The following TENM3 variants were observed in gnomAD, a reference collection of about 807,000 sequenced individuals.
The protein encoded by TENM3 is teneurin transmembrane protein 3.
In TENM3, 63 loss-of-function variants were observed where a neutral mutation model predicts 255.1. That is an observed-to-expected ratio of 0.25 (90% CI 0.20 to 0.30). The LOEUF is 0.30. Ranked by LOEUF, TENM3 falls within the 10% of genes least tolerant of loss-of-function variation. The pLI, the probability that TENM3 is intolerant of heterozygous loss-of-function variation, is 1.00. For synonymous variants in TENM3, 1,306 were observed against 1,322.3 expected, an observed-to-expected ratio of 0.99 and a Z score of 0.27; for missense variants, 2,929 against 3,461.1, an observed-to-expected ratio of 0.85 and a Z score of 3.86.
At chr4:181,657,964 A>G in the TENM3 span, among the ~76,000 whole-genome samples, 1 of 152,126 alleles carries the variant, frequency 6.6e-6, no homozygotes, top group Non-Finnish European at 1.5e-5. Flanking sequence ...AAGATGGGAG[A>G]AACAGACACT....
chr4:182,701,644 CTA>C (rs1206892646), intron 12 of TENM3, among the ~76,000 whole-genome samples: 3 of 152,160 alleles, frequency 2.0e-5, no homozygotes, highest in Non-Finnish European at 4.4e-5. Flanking sequence ...AAAGAGGAAA[CTA>C]TGTGGTTATT....
intron 6 of TENM3, among the ~76,000 whole-genome samples, chr4:182,669,822 A>T (rs573553391): frequency 6.6e-6 from 1 of 152,290 alleles, no homozygotes; most frequent in South Asian, 2.1e-4. Context: ...TTCAGTCTTG[A>T]TGCCATCACT....
chr4:181,455,091 G>C, the TENM3 span, among the ~76,000 whole-genome samples: 1 of 152,076 alleles, frequency 6.6e-6, no homozygotes, highest in East Asian at 1.9e-4. Flanking sequence ...CGGGATCAGA[G>C]TAGGTGCTAA....
intron 3 of TENM3, among the ~76,000 whole-genome samples, chr4:182,449,237 C>CCGCTCCGGAGCTGGTGGCTCCGCTT (rs758941265): frequency 0.15 from 22,834 of 149,532 alleles, 2,177 homozygotes; most frequent in East Asian, 0.31. Context: ...CGGCTCCGCT[C>CCGCTCCGGAGCTGGTGGCTCCGCTT]TTCTCCCTTG....
chr4:182,511,560 G>A (rs1737398615), intron 3 of TENM3, among the ~76,000 whole-genome samples: 1 of 152,184 alleles, frequency 6.6e-6, no homozygotes, highest in African/African-American at 2.4e-5. Context: ...TTTCTGAAGA[G>A]AACTTCAGTG....
the TENM3 span, among the ~76,000 whole-genome samples, chr4:181,898,506 T>C: frequency 6.6e-6 from 1 of 152,216 alleles, no homozygotes. Context: ...ACTTTGCTTA[T>C]TCACATTTTC....
chr4:182,483,406 G>A (rs1453003822), intron 3 of TENM3, among the ~76,000 whole-genome samples: 4 of 152,128 alleles, frequency 2.6e-5, no homozygotes, highest in Non-Finnish European at 5.9e-5. Context: ...CTAGTTTGTA[G>A]TCACATAGTT....
At chr4:181,579,445 C>T in the TENM3 span, among the ~76,000 whole-genome samples, 3 of 152,192 alleles carry the variant, frequency 2.0e-5, no homozygotes, top group African/African-American at 7.2e-5. Context: ...TTCCTTGATA[C>T]ACTATCTCTT....
chr4:181,784,853 G>T, the TENM3 span, among the ~76,000 whole-genome samples: 1 of 152,140 alleles, frequency 6.6e-6, no homozygotes, highest in Non-Finnish European at 1.5e-5. Flanking sequence ...TGTAAAGGGA[G>T]TAACATAATG....
chr4:182,753,723 T>TA (rs1762527823), intron 21 of TENM3, 119 bp downstream of exon 21: 1 of 880,480 alleles, frequency 1.1e-6, no homozygotes. Context: ...GTGGTTCTGA[T>TA]AGGGCAGTTC....
chr4:182,165,750 T>TG (rs913372748), intron 1 of TENM3, among the ~76,000 whole-genome samples: 11 of 152,288 alleles, frequency 7.2e-5, no homozygotes, highest in African/African-American at 2.6e-4. Context: ...CACTCTTTTT[T>TG]GGGGGGTGAA....
At chr4:181,487,987 C>T in the TENM3 span, among the ~76,000 whole-genome samples, 6 of 152,266 alleles carry the variant, frequency 3.9e-5, no homozygotes, top group African/African-American at 1.4e-4. Context: ...TGTCTAGTTC[C>T]AACCAAATGA....
intron 3 of TENM3, among the ~76,000 whole-genome samples, chr4:182,447,679 G>A (rs1156557599): frequency 6.6e-6 from 1 of 152,136 alleles, no homozygotes; most frequent in Non-Finnish European, 1.5e-5. Context: ...GTTAAAATAT[G>A]GAATGAGAGC....
At chr4:181,516,315 T>C in the TENM3 span, among the ~76,000 whole-genome samples, 78,332 of 149,594 alleles carry the variant, frequency 0.52, 20,849 homozygotes, top group South Asian at 0.61. Flanking sequence ...GGCACACATT[T>C]ATCTATGTAA....
chr4:181,459,959 T>G, the TENM3 span, among the ~76,000 whole-genome samples: 1 of 152,102 alleles, frequency 6.6e-6, no homozygotes, highest in East Asian at 1.9e-4. Flanking sequence ...TCACTGATTT[T>G]CACTTCACTT....
the TENM3 span, among the ~76,000 whole-genome samples, chr4:182,072,490 C>T: frequency 5.3e-5 from 8 of 152,150 alleles, no homozygotes; most frequent in Admixed American, 2.6e-4. Context: ...TTTTGCTTTA[C>T]CTCAAAACCT....
At chr4:182,679,376 A>C (rs1466719203) in intron 7 of TENM3, among the ~76,000 whole-genome samples, 1 of 152,142 alleles carries the variant, frequency 6.6e-6, no homozygotes. Flanking sequence ...AACTGCCTAA[A>C]CTCATCAAAC....
the TENM3 span, among the ~76,000 whole-genome samples, chr4:182,115,431 G>A: frequency 1.4e-3 from 215 of 152,152 alleles, 3 homozygotes; most frequent in East Asian, 6.4e-3. Flanking sequence ...TCATTCTTTG[G>A]GTGCCTTAAA....
chr4:181,708,984 G>A, the TENM3 span, among the ~76,000 whole-genome samples: 1 of 152,186 alleles, frequency 6.6e-6, no homozygotes, highest in East Asian at 1.9e-4. Context: ...TGCCATTTGA[G>A]TATTAAATAG....
Sources: gnomAD v4.1 joint callset for allele counts (sites outside exome capture counted in the v4.1 genomes callset) on GRCh38, gnomAD v4.1.1 for gene constraint, MANE v1.5 for transcripts, NCBI Gene and HGNC (gene_info 2026-07-23, HGNC 2026-07-21) for gene names.